Variants in SERPINA10 observed in about 807,000 individuals in gnomAD.
SERPINA10 encodes serpin family A member 10, also known as protein Z-dependent protease inhibitor.
SERPINA10 carries 24 observed loss-of-function variants against 28.0 expected under a neutral mutation model. The ratio of observed to expected loss-of-function variants is 0.86; its 90% CI spans 0.62 to 1.20. The LOEUF (loss-of-function observed/expected upper bound fraction) is 1.20, where lower values mean the gene tolerates loss of function less well. Ranked by LOEUF, SERPINA10 falls within the 50% of genes most tolerant of loss-of-function variation. SERPINA10 has a pLI of 0.00. For missense variants in SERPINA10, 521 were observed against 537.7 expected, an observed-to-expected ratio of 0.97 and a Z score of 0.31; for synonymous variants, 207 against 203.9, an observed-to-expected ratio of 1.02 and a Z score of -0.13.
chr14:94,282,064 A>T lies in SERPINA10; in HGVS notation c.*1901T>A, dbSNP rs568972022. ...AGGGCCTAGAATTGCCTGTCCCTTC[A>T]TAAGTGTCAATTAGTACTCTTGGAA... On this transcript the variant is annotated 3_prime_UTR_variant, in exon 5 of 5. Coordinates refer to ENST00000261994, the MANE Select transcript of SERPINA10 (RefSeq NM_001100607.3). 1 of 152,498 alleles carries T rather than the reference A, an allele frequency of 6.6e-6. No individual in the cohort carries two copies. The highest frequency in any genetic ancestry group is 1.5e-5 in the Non-Finnish European group (1 of 68,012). 9.4% of individuals were successfully genotyped at this position (152,498 alleles called of 1,614,324 possible). A position where few individuals can be genotyped will look rare whatever the true frequency, so the allele number is the denominator to read the frequency against.
intron 3 of SERPINA10, 101 bp downstream of exon 3, chr14:94,288,185 C>G: frequency 6.6e-7 from 1 of 1,511,112 alleles, no homozygotes; most frequent in Non-Finnish European, 9.2e-7. Context: ...TTATAGCTCA[C>G]TGGAGGAGAC....
Position 94,283,971 on chromosome 14 carries a change from G to C in SERPINA10, c.1329C>G (p.Leu443=), listed in dbSNP as rs1340825237. ...TGCTTATGCGTGTCCTGAATTATAG[G>C]AGAGTCGGATTCACCACCCTGCCCA... ...LFLGRVVNPT[L]L Residue 443 remains leucine (L), a synonymous_variant, in exon 5 of 5, where the codon CTC becomes CTG. Transcript: ENST00000261994. 1 of 1,613,864 alleles carries C rather than the reference G, an allele frequency of 6.2e-7. No homozygotes were observed. The highest frequency in any genetic ancestry group is 1.3e-5 in the African/African-American group (1 of 74,924).
chr14:94,288,878 A>G (rs1895091421), intron 2 of SERPINA10, among the ~76,000 whole-genome samples: 1 of 152,204 alleles, frequency 6.6e-6, no homozygotes, highest in Admixed American at 6.5e-5. Flanking sequence ...CTGGACCTGA[A>G]CGGAATTCAC....
chr14:94,286,730 T>C (rs1391302478), intron 3 of SERPINA10, among the ~76,000 whole-genome samples: 1 of 152,326 alleles, frequency 6.6e-6, no homozygotes, highest in South Asian at 2.1e-4. Context: ...AGTCCTCCTT[T>C]GAAAATATGT....
intron 1 of SERPINA10, chr14:94,292,858 G>C (rs1423396104): frequency 3.4e-6 from 2 of 587,470 alleles, no homozygotes; most frequent in African/African-American, 3.7e-5. Context: ...TCAGCCCTGG[G>C]ACAGCACACA....
At chr14:94,289,774 GA>G in intron 2 of SERPINA10, 101 bp downstream of exon 2, 1 of 1,282,528 alleles carries the variant, frequency 7.8e-7, no homozygotes, top group South Asian at 1.2e-5. Context: ...CACATTCATA[GA>G]AAATCACGTA....
In SERPINA10 at chr14:94,288,351, G is replaced by T. The variant is rs745891136; in HGVS notation, c.927C>A (p.His309Gln). The change falls in exon 3 of 5, where the codon CAC (histidine) becomes CAA (glutamine). Residue 309 changes from histidine (H) to glutamine (Q), a missense_variant. Physicochemically the swap from His to Gln is conservative, Grantham distance 24. Coordinates refer to ENST00000261994, the MANE Select transcript of SERPINA10 (RefSeq NM_001100607.3). ...TGGTCAGGTAGTCTTCAAGGGCGAG[G>T]TGGTCACCCATTTTCTCCATGAGGA... The part of the protein sequence containing the change: ...LVVLMEKMGD[H>Q]LALEDYLTTD... 3.7e-6 allele frequency: 6 copies of T among 1,614,008 alleles called. No individual in the cohort carries two copies. The highest frequency in any genetic ancestry group is 2.2e-5 in the East Asian group (1 of 44,896).
rs1181525689 is a variant in SERPINA10 at position 94,283,969 on chromosome 14, A to G, written c.1331T>C (p.Leu444Pro). The G allele has an allele frequency of 1.1e-5, 17 of 1,614,018 alleles. No homozygotes were observed. Among genetic ancestry groups the G allele is most frequent in the Non-Finnish European group, 1.4e-5 (17 of 1,179,856 alleles). The change falls in exon 5 of 5, where the codon CTA becomes CCA. Residue 444 changes from leucine to proline, a missense_variant. By Grantham distance (98) the Leu-to-Pro change is moderately conservative. Transcript: ENST00000261994. ...FLGRVVNPTLL is the reference protein window; with the variant it reads ...FLGRVVNPTLP ...AGTGCTTATGCGTGTCCTGAATTAT[A>G]GGAGAGTCGGATTCACCACCCTGCC... is the stretch of plus-strand genomic sequence containing the variant.
chr14:94,287,881 G>A (rs1895062998), intron 3 of SERPINA10, among the ~76,000 whole-genome samples: 3 of 152,142 alleles, frequency 2.0e-5, no homozygotes. Context: ...TACCTTCTTG[G>A]AGAGGCCTTG....
rs531772833 is a variant in SERPINA10, at chr14:94,283,744, A to G, written c.*221T>C. The G allele has an allele frequency of 3.5e-6, 2 of 579,700 alleles. No individual in the cohort carries two copies. Among genetic ancestry groups the G allele is most frequent in the Non-Finnish European group, 6.1e-6 (2 of 327,578 alleles). 35.9% of individuals were successfully genotyped at this position (579,700 alleles called of 1,614,324 possible). ...TATGTATGTGTAGGAAAAAATATAT[A>G]TAAGGTTCAGCACTGTCCACCGTTT... is the stretch of plus-strand genomic sequence containing the variant. On this transcript the variant is annotated 3_prime_UTR_variant, in exon 5 of 5. Coordinates refer to ENST00000261994, the MANE Select transcript of SERPINA10 (RefSeq NM_001100607.3).
chr14:94,285,643 G>C (rs1895005023), intron 4 of SERPINA10, among the ~76,000 whole-genome samples: 1 of 151,872 alleles, frequency 6.6e-6, no homozygotes. Context: ...TCAAAGAAAT[G>C]GTGAGTTTGA....
intron 2 of SERPINA10, among the ~76,000 whole-genome samples, chr14:94,289,641 G>T (rs755610114): frequency 6.6e-6 from 1 of 152,148 alleles, no homozygotes. Context: ...TCAGAGGGGA[G>T]CTATGTAGAG....
rs61761870 is a variant in SERPINA10 at position 94,290,133 on chromosome 14, C to G, written c.461G>C (p.Arg154Pro). The change falls in exon 2 of 5, where the codon CGC becomes CCC. Residue 154 changes from arginine to proline, a missense_variant. Arg to Pro is a moderately radical substitution (Grantham distance 103). Transcript: ENST00000261994. ...LFKGLRETLSRNLELGLTQGS... is the reference protein window; with the variant it reads ...LFKGLRETLSPNLELGLTQGS... ...CTGTGTGAGGCCCAGTTCCAGGTTGCGGGAGAGGGTCTCTCTGAGTCCCTT... is the reference window on the plus strand; with the variant it reads ...CTGTGTGAGGCCCAGTTCCAGGTTGGGGGAGAGGGTCTCTCTGAGTCCCTT... 3.7e-6 allele frequency: 6 copies of G among 1,614,096 alleles called. No individual in the cohort carries two copies. In the South Asian group the frequency reaches 4.4e-5, roughly 12 times the overall value.
chr14:94,292,673 G>A (rs1427140925), intron 1 of SERPINA10: 2 of 701,790 alleles, frequency 2.8e-6, no homozygotes, highest in African/African-American at 3.5e-5. Context: ...GGGTGCTCCT[G>A]GACATATATC....
intron 3 of SERPINA10, among the ~76,000 whole-genome samples, chr14:94,287,687 G>A (rs1350094813): frequency 1.3e-5 from 2 of 152,106 alleles, no homozygotes; most frequent in Non-Finnish European, 1.5e-5. Context: ...TGGGGACTGG[G>A]CCCCTGTTTC....
In SERPINA10 at chr14:94,290,567, G is replaced by C; in HGVS notation, c.27C>G (p.Leu9=). 5 of 1,613,730 alleles carry C rather than the reference G, an allele frequency of 3.1e-6. No individual in the cohort carries two copies. Among genetic ancestry groups the C allele is most frequent in the Non-Finnish European group, 4.2e-6 (5 of 1,179,938 alleles). MKVVPSLL[L]SVLLAQVWLV... ...GCCACACCTGTGCCAGGAGGACGGAGAGCAGGAGACTTGGCACCACCTTCA... is the reference window on the plus strand; with the variant it reads ...GCCACACCTGTGCCAGGAGGACGGACAGCAGGAGACTTGGCACCACCTTCA... The change falls in exon 2 of 5, where the codon CTC becomes CTG. Residue 9 remains leucine (L), a synonymous_variant. Transcript: ENST00000261994.
chr14:94,290,771 C>A (rs1053485180), intron 1 of SERPINA10, 128 bp from the exon 2 acceptor site: 20 of 1,007,124 alleles, frequency 2.0e-5, no homozygotes, highest in East Asian at 5.2e-5. Flanking sequence ...CCAGGGAGAC[C>A]TAGAGCAAGT....
chr14:94,288,430 A>C lies in SERPINA10; in HGVS notation c.848T>G (p.Phe283Cys). 1 of 1,614,094 alleles carries C rather than the reference A, an allele frequency of 6.2e-7. No homozygotes were observed. Among genetic ancestry groups the C allele is most frequent in the Non-Finnish European group, 8.5e-7 (1 of 1,180,020 alleles). ...GGGCAGTTTGAGGACATGACAACGA[A>C]AATTCTTGTCAAAGGTGGAGGCAAA... ...GKFASTFDKNFRCHVLKLPYQ... is the reference protein window; with the variant it reads ...GKFASTFDKNCRCHVLKLPYQ... The change falls in exon 3 of 5, where the codon TTT (phenylalanine) becomes TGT (cysteine). Residue 283 changes from phenylalanine (F) to cysteine (C), a missense_variant. Physicochemically the swap from Phe to Cys is radical, Grantham distance 205 (BLOSUM62 -2). Coordinates refer to ENST00000261994, the MANE Select transcript of SERPINA10 (RefSeq NM_001100607.3).
At chr14:94,290,766 G>A in intron 1 of SERPINA10, 123 bp from the exon 2 acceptor site, 1 of 1,041,942 alleles carries the variant, frequency 9.6e-7, no homozygotes, top group Admixed American at 2.3e-5. Context: ...CTGCCCCAGG[G>A]AGACCTAGAG....
Sources: gnomAD v4.1 joint callset for allele counts (sites outside exome capture counted in the v4.1 genomes callset) on GRCh38, gnomAD v4.1.1 for gene constraint, MANE v1.5 for transcripts, NCBI Gene and HGNC (gene_info 2026-07-23, HGNC 2026-07-21) for gene names.